Variants in SYNPO2L observed in about 807,000 individuals in gnomAD.
SYNPO2L encodes the protein synaptopodin 2 like, also known as synaptopodin 2-like protein.
A neutral mutation model predicts 47.5 loss-of-function variants in SYNPO2L; 34 were observed. The observed-to-expected ratio is 0.72, with a 90% CI of 0.54 to 0.95. The LOEUF (loss-of-function observed/expected upper bound fraction) is 0.95, where lower values mean the gene tolerates loss of function less well. SYNPO2L is among the 40% of genes least tolerant of loss of function. The pLI, the probability that SYNPO2L is intolerant of heterozygous loss-of-function variation, is 0.00. For synonymous variants in SYNPO2L, 536 were observed against 524.9 expected (o/e 1.02, Z -0.29); for missense variants, 1,246 against 1,282.0 (o/e 0.97, Z 0.43).
At position 73,645,759 on chromosome 10, in the gene SYNPO2L, C is replaced by T; in HGVS notation, c.*959G>A. ...TTCTCTAGTGAATCTCTTTCTCCCACTCAACTCCATGTGGGGATATCTGAC... is the reference window on the plus strand; with the variant it reads ...TTCTCTAGTGAATCTCTTTCTCCCATTCAACTCCATGTGGGGATATCTGAC... On this transcript the variant is annotated 3_prime_UTR_variant, in exon 4 of 4. Transcript: ENST00000394810. The T allele has an allele frequency of 3.0e-6, 3 of 985,886 alleles. No homozygotes were observed. Among genetic ancestry groups the T allele is most frequent in the Non-Finnish European group, 3.6e-6 (3 of 829,950 alleles). 61.1% of individuals were successfully genotyped at this position (985,886 alleles called of 1,614,324 possible).
In SYNPO2L at chr10:73,646,612, A is replaced by G; in HGVS notation, c.*106T>C. On this transcript the variant is annotated 3_prime_UTR_variant, in exon 4 of 4. Coordinates refer to ENST00000394810, the MANE Select transcript of SYNPO2L (RefSeq NM_001114133.3). The stretch of plus-strand genomic sequence containing the variant: ...CAACTTGGAAACCATCTCTGGCAGG[A>G]GGCAATTTAGCTTCCAGATGCGTGA... 1 of 1,343,310 alleles carries G rather than the reference A, an allele frequency of 7.4e-7. No homozygotes were observed. The highest frequency in any genetic ancestry group is 9.6e-7 in the Non-Finnish European group (1 of 1,040,890). The allele number at this position is 1,343,310 out of a possible 1,614,324, so 83.2% of individuals were successfully genotyped here. A position where few individuals can be genotyped will look rare whatever the true frequency, so the allele number is the denominator to read the frequency against.
rs751004239 is a variant in SYNPO2L at position 73,654,169 on chromosome 10, T to C, written c.217A>G (p.Ile73Val). The C allele has an allele frequency of 1.3e-6, 2 of 1,551,610 alleles. No individual in the cohort carries two copies. The highest frequency in any genetic ancestry group is 2.4e-5 in the South Asian group (2 of 84,050). ...NLSHASAMSL[I>V]DASGNQLVLT... ...ACAAGCTGATTTCCTGAGGCATCGA[T>C]GAGGCTCATGGCACTGGCATGGGAG... The change falls in exon 2 of 4, where the codon ATC (isoleucine) becomes GTC (valine). Residue 73 changes from isoleucine (I) to valine (V), a missense_variant. Physicochemically the swap from Ile to Val is conservative, Grantham distance 29 (BLOSUM62 3). Transcript: ENST00000394810.
At chr10:73,651,170 G>T in intron 3 of SYNPO2L, 1 of 1,115,334 alleles carries the variant, frequency 9.0e-7, no homozygotes, top group Non-Finnish European at 1.2e-6. Flanking sequence ...ACAAGTGCCG[G>T]TGTGATGGAT....
chr10:73,647,085 T>C lies in SYNPO2L; in HGVS notation c.2567A>G (p.Gln856Arg). 1 of 1,613,878 alleles carries C rather than the reference T, an allele frequency of 6.2e-7. No homozygotes were observed. Among genetic ancestry groups the C allele is most frequent in the Non-Finnish European group, 8.5e-7 (1 of 1,179,966 alleles). Residue 856 changes from glutamine (Q) to arginine (R), a missense_variant, in exon 4 of 4, where the codon CAA (glutamine) becomes CGA (arginine). By Grantham distance (43) the Gln-to-Arg change is conservative. Transcript: ENST00000394810. ...AAAACAGAACATGGCAGTTTTAAGT[T>C]GATAGGGCTGATGCCGCATAAAATC... ...ALDFMRHQPYQLKTAMFCFDE... is the reference protein window; with the variant it reads ...ALDFMRHQPYRLKTAMFCFDE...
chr10:73,655,306 T>TA (rs2098835511), intron 1 of SYNPO2L, among the ~76,000 whole-genome samples: 1 of 152,026 alleles, frequency 6.6e-6, no homozygotes, highest in Non-Finnish European at 1.5e-5. Flanking sequence ...TCCTAGCACC[T>TA]AAAAAAGTCT....
Position 73,648,158 on chromosome 10 carries a change from G to C in SYNPO2L, c.1494C>G (p.Ser498Arg). 6.5e-7 allele frequency: 1 copy of C among 1,549,400 alleles called. No individual in the cohort carries two copies. The highest frequency in any genetic ancestry group is 8.7e-7 in the Non-Finnish European group (1 of 1,149,378). The change falls in exon 4 of 4, where the codon AGC becomes AGG. Residue 498 changes from serine to arginine, a missense_variant. Ser to Arg is a moderately radical substitution (Grantham distance 110, BLOSUM62 -1). Transcript: ENST00000394810. Reference sequence around the variant, plus strand: ...GTGGGGCGGGGCTGAGGCCCCCCAGGCTGTCGTTCGCCCTTTTGGGGGCTA... The same window carrying C: ...GTGGGGCGGGGCTGAGGCCCCCCAGCCTGTCGTTCGCCCTTTTGGGGGCTA... ...RPLAPKRANDSLGGLSPAPPP... is the reference protein window; with the variant it reads ...RPLAPKRANDRLGGLSPAPPP...
chr10:73,648,659 A>C lies in SYNPO2L; in HGVS notation c.993T>G (p.Ser331Arg). The C allele has an allele frequency of 6.2e-7, 1 of 1,610,800 alleles. No individual in the cohort carries two copies. Among genetic ancestry groups the C allele is most frequent in the Non-Finnish European group, 8.5e-7 (1 of 1,177,284 alleles). The stretch of plus-strand genomic sequence containing the variant: ...AGGCTTCTTCGTCCAGCTCGGACTC[A>C]CTCGTGGGGGGAACGCCGTCCTCCT... Reference protein sequence around the residue: ...AEEEDGVPPTSESELDEEAFS... With the variant: ...AEEEDGVPPTRESELDEEAFS... The change falls in exon 4 of 4, where the codon AGT becomes AGG. Residue 331 changes from serine (S) to arginine (R), a missense_variant. By Grantham distance (110) the Ser-to-Arg change is moderately radical. This residue lies in a region of SYNPO2L where 1,037 missense variants were observed against 1,021.5 expected (regional missense o/e 1.02). Transcript: ENST00000394810.
Position 73,656,017 on chromosome 10 carries a change from T to TCCTGCTCC in SYNPO2L, c.-103_-96dup. ...CCCGTCTGGGCTTCCTGTCCGGCTG[T>TCCTGCTCC]CCTGCTCCTGCTGCCCCAGGCCTCC... On this transcript the variant is annotated 5_prime_UTR_variant, in exon 1 of 4. Transcript: ENST00000394810. 2 of 1,019,404 alleles carry TCCTGCTCC rather than the reference T, an allele frequency of 2.0e-6. No homozygotes were observed. Among genetic ancestry groups the TCCTGCTCC allele is most frequent in the Non-Finnish European group, 2.8e-6 (2 of 706,840 alleles). The allele number at this position is 1,019,404 out of a possible 1,614,324, so 63.1% of individuals were successfully genotyped here.
chr10:73,651,385 T>G (rs1286862309), intron 3 of SYNPO2L, among the ~76,000 whole-genome samples: 1 of 152,102 alleles, frequency 6.6e-6, no homozygotes, highest in Non-Finnish European at 1.5e-5. Flanking sequence ...GATGTCAGAC[T>G]CTCAACTCTC....
rs773976796 is a variant in SYNPO2L at position 73,647,349 on chromosome 10, C to T, written c.2303G>A (p.Arg768His). The change falls in exon 4 of 4, where the codon CGT (arginine) becomes CAT (histidine). Residue 768 changes from arginine to histidine, a missense_variant. Arg to His is a conservative substitution (Grantham distance 29). Coordinates refer to ENST00000394810, the MANE Select transcript of SYNPO2L (RefSeq NM_001114133.3). Reference sequence around the variant, plus strand: ...ACCTTCCACCACATACCTGTCCGCACGGCTCTGCCGCTTAGCAAACAGCTC... The same window carrying T: ...ACCTTCCACCACATACCTGTCCGCATGGCTCTGCCGCTTAGCAAACAGCTC... ...GGELFAKRQS[R>H]ADRYVVEGTP... 1.9e-6 allele frequency: 3 copies of T among 1,614,068 alleles called. No individual in the cohort carries two copies. The highest frequency in any genetic ancestry group is 2.5e-6 in the Non-Finnish European group (3 of 1,180,012).
Position 73,653,347 on chromosome 10 carries a change from G to T in SYNPO2L, c.564C>A (p.Ile188=). The stretch of plus-strand genomic sequence containing the variant: ...TGTCACCCTGGCTGGGAGGGCCAGG[G>T]ATAGTAGGTGCTGGCTCTGCAGGGC... ...SDSPAEPAPT[I]PGPPSQGDSR... is the part of the protein sequence containing the mutation. Residue 188 remains isoleucine (I), a synonymous_variant, in exon 3 of 4, where the codon ATC becomes ATA. Transcript: ENST00000394810. 6.4e-7 allele frequency: 1 copy of T among 1,551,622 alleles called. No homozygotes were observed.
chr10:73,650,379 C>T (rs2081831638), intron 3 of SYNPO2L: 2 of 601,030 alleles, frequency 3.3e-6, no homozygotes, highest in African/African-American at 4.0e-5. Flanking sequence ...GCCCTAGAGT[C>T]AGAGTTCAGT....
chr10:73,653,897 C>T (rs2081859747), intron 2 of SYNPO2L: 2 of 733,698 alleles, frequency 2.7e-6, no homozygotes, highest in African/African-American at 1.8e-5. Flanking sequence ...AGGAAACAGG[C>T]CAGGGGTTGA....
At position 73,646,494 on chromosome 10, in the gene SYNPO2L, G is replaced by C; in HGVS notation, c.*224C>G. On this transcript the variant is annotated 3_prime_UTR_variant, in exon 4 of 4. Coordinates refer to ENST00000394810, the MANE Select transcript of SYNPO2L (RefSeq NM_001114133.3). ...AGAGATCCAGGAAAGGAAATGCAGAGACAAAGAGAGGCAAAGATACCAAAG... is the reference window on the plus strand; with the variant it reads ...AGAGATCCAGGAAAGGAAATGCAGACACAAAGAGAGGCAAAGATACCAAAG... 1 of 1,232,624 alleles carries C rather than the reference G, an allele frequency of 8.1e-7. No individual in the cohort carries two copies. Among genetic ancestry groups the C allele is most frequent in the African/African-American group, 1.6e-5 (1 of 64,404 alleles). 76.4% of individuals were successfully genotyped at this position (1,232,624 alleles called of 1,614,324 possible). A position where few individuals can be genotyped will look rare whatever the true frequency, so the allele number is the denominator to read the frequency against.
intron 3 of SYNPO2L, chr10:73,650,804 G>A: frequency 1.4e-6 from 2 of 1,395,594 alleles, no homozygotes; most frequent in East Asian, 2.6e-5. Context: ...CAGCAAAAAG[G>A]AACAAGAGAG....
Position 73,654,200 on chromosome 10 carries a change from G to T in SYNPO2L, c.186C>A (p.Thr62=). 1 of 1,551,642 alleles carries T rather than the reference G, an allele frequency of 6.4e-7. No individual in the cohort carries two copies. The highest frequency in any genetic ancestry group is 8.7e-7 in the Non-Finnish European group (1 of 1,146,974). ...QLLAINGVSC[T]NLSHASAMSL... is the part of the protein sequence containing the mutation. ...TCATGGCACTGGCATGGGAGAGGTT[G>T]GTGCAAGAGACCCCATTGATTGCCA... The change falls in exon 2 of 4, where the codon ACC becomes ACA. Residue 62 remains threonine (T), a synonymous_variant. Coordinates refer to ENST00000394810, the MANE Select transcript of SYNPO2L (RefSeq NM_001114133.3).
At chr10:73,655,255 G>T (rs944821207) in intron 1 of SYNPO2L, among the ~76,000 whole-genome samples, 1 of 152,110 alleles carries the variant, frequency 6.6e-6, no homozygotes, top group Non-Finnish European at 1.5e-5. Context: ...AAACCAAAAG[G>T]ATAATGACTT....
chr10:73,652,496 C>T (rs1034048693), intron 3 of SYNPO2L, among the ~76,000 whole-genome samples: 1 of 151,984 alleles, frequency 6.6e-6, no homozygotes, highest in African/African-American at 2.4e-5. Context: ...TGGTGAAACC[C>T]CATCTCTACT....
rs543087941 is a variant in SYNPO2L at position 73,654,244 on chromosome 10, G to C, written c.142C>G (p.Arg48Gly). The C allele has an allele frequency of 2.0e-4, 316 of 1,551,662 alleles. 8 individuals carry two copies. The South Asian group carries it at 3.6e-3, about 18-fold the overall frequency. The change falls in exon 2 of 4, where the codon CGA becomes GGA. Residue 48 changes from arginine (R) to glycine (G), a missense_variant. Physicochemically the swap from Arg to Gly is moderately radical, Grantham distance 125. Transcript: ENST00000394810. ...RRSQAGRAGL[R>G]ERDQLLAING... Reference sequence around the variant, plus strand: ...ATTGCCAAGAGCTGGTCCCTCTCTCGGAGTCCTGCTCTGCCAGCCTGGCTC... The same window carrying C: ...ATTGCCAAGAGCTGGTCCCTCTCTCCGAGTCCTGCTCTGCCAGCCTGGCTC...
Sources: gnomAD v4.1 joint callset for allele counts (sites outside exome capture counted in the v4.1 genomes callset) on GRCh38, gnomAD v4.1.1 for gene constraint, gnomAD v4.1.1 regional missense constraint, MANE v1.5 for transcripts, NCBI Gene and HGNC (gene_info 2026-07-23, HGNC 2026-07-21) for gene names.